Variants in GALNTL6 observed in about 807,000 individuals in gnomAD.
The protein encoded by GALNTL6 is polypeptide N-acetylgalactosaminyltransferase-like 6.
A neutral mutation model predicts 73.7 loss-of-function variants in GALNTL6; 46 were observed. That is an observed-to-expected ratio of 0.62 (90% CI 0.49 to 0.80). The LOEUF is 0.80. GALNTL6 is among the 30% of genes least tolerant of loss of function. GALNTL6 has a pLI of 0.00. For synonymous variants in GALNTL6, 259 were observed against 263.7 expected (o/e 0.98, Z 0.17); for missense variants, 604 against 755.0 (o/e 0.80, Z 2.34).
At chr4:172,647,751 A>G (rs1444847089) in intron 5 of GALNTL6, among the ~76,000 whole-genome samples, 1 of 151,988 alleles carries the variant, frequency 6.6e-6, no homozygotes, top group Non-Finnish European at 1.5e-5. Flanking sequence ...ATCTTCAATC[A>G]TTTCTCCCTA....
chr4:172,567,204 A>T (rs1254397689), intron 5 of GALNTL6, among the ~76,000 whole-genome samples: 3 of 151,976 alleles, frequency 2.0e-5, no homozygotes, highest in Non-Finnish European at 4.4e-5. Flanking sequence ...AGAAGCTCAA[A>T]TATCTTTCTA....
intron 2 of GALNTL6, among the ~76,000 whole-genome samples, chr4:171,950,582 C>T (rs926039547): frequency 7.3e-5 from 11 of 150,946 alleles, no homozygotes; most frequent in South Asian, 2.1e-4. Flanking sequence ...CAGGTTCAAG[C>T]GATTCTCCTG....
At position 172,961,351 on chromosome 4, in the gene GALNTL6, C is replaced by T. The variant is rs182808189; in HGVS notation, c.1371+9093C>T. Among the ~76,000 whole-genome samples, 462 of 128,582 alleles carry T rather than the reference C, an allele frequency of 3.6e-3. 3 individuals carry two copies. The highest frequency in any genetic ancestry group is 0.012 in the African/African-American group (413 of 33,510). The allele number at this position is 128,582 out of a possible 152,430, so 84.4% of individuals were successfully genotyped here. ...GAAGGGGTAGAGAGAGAGAAGGGGT[C>T]GGGGGGTTCTTGCCTCCCAGAAAAG... On this transcript the variant is annotated intron_variant, in intron 10 of 12. Coordinates refer to ENST00000506823, the MANE Select transcript of GALNTL6 (RefSeq NM_001034845.3).
intron 2 of GALNTL6, among the ~76,000 whole-genome samples, chr4:172,101,046 AC>A (rs918171727): frequency 2.0e-5 from 3 of 152,154 alleles, no homozygotes; most frequent in Admixed American, 6.6e-5. Flanking sequence ...TCATTGGAAA[AC>A]GAGGAGTTGG....
intron 10 of GALNTL6, among the ~76,000 whole-genome samples, chr4:172,974,386 C>T (rs1036923899): frequency 3.3e-5 from 5 of 152,138 alleles, no homozygotes; most frequent in African/African-American, 1.2e-4. Context: ...ACCTAGAGTA[C>T]TTTCCTCTTT....
chr4:172,777,150 T>C (rs768532774), intron 5 of GALNTL6, among the ~76,000 whole-genome samples: 8 of 152,194 alleles, frequency 5.3e-5, no homozygotes, highest in Non-Finnish European at 1.0e-4. Flanking sequence ...CATAAATCTA[T>C]ACAACTATAA....
chr4:172,144,837 C>A (rs920676447), intron 2 of GALNTL6, among the ~76,000 whole-genome samples: 5 of 152,140 alleles, frequency 3.3e-5, no homozygotes, highest in Non-Finnish European at 7.3e-5. Context: ...ACCTACTATG[C>A]AAATTACATG....
chr4:172,695,826 A>C (rs1352554359), intron 5 of GALNTL6, among the ~76,000 whole-genome samples: 2 of 151,944 alleles, frequency 1.3e-5, no homozygotes, highest in African/African-American at 4.8e-5. Context: ...GGTGGCGGGC[A>C]CCTGTAGTCC....
intron 3 of GALNTL6, among the ~76,000 whole-genome samples, chr4:172,281,785 A>T (rs1739068879): frequency 6.6e-6 from 1 of 152,142 alleles, no homozygotes; most frequent in Non-Finnish European, 1.5e-5. Flanking sequence ...TCATCTCAAA[A>T]TTCTTAATTT....
At chr4:171,820,842 A>G (rs576109372) in intron 2 of GALNTL6, among the ~76,000 whole-genome samples, 31 of 152,300 alleles carry the variant, frequency 2.0e-4, no homozygotes, top group Non-Finnish European at 3.8e-4. Context: ...TGGTTTCTCA[A>G]TAAGGGCTAA....
At chr4:172,643,082 TA>T (rs1432950580) in intron 5 of GALNTL6, among the ~76,000 whole-genome samples, 1 of 148,452 alleles carries the variant, frequency 6.7e-6, no homozygotes, top group African/African-American at 2.5e-5. Context: ...TTGGTTATTT[TA>T]AATGTTTTTT....
intron 10 of GALNTL6, among the ~76,000 whole-genome samples, chr4:172,966,046 G>A (rs1750310619): frequency 6.6e-6 from 1 of 152,148 alleles, no homozygotes; most frequent in Admixed American, 6.5e-5. Context: ...AAATAAATCA[G>A]TTGGGAGAAT....
chr4:172,360,087 A>C (rs540440670), intron 5 of GALNTL6, among the ~76,000 whole-genome samples: 6 of 152,242 alleles, frequency 3.9e-5, no homozygotes, highest in Non-Finnish European at 8.8e-5. Flanking sequence ...TGACATGGTT[A>C]TCTAATAAAA....
intron 9 of GALNTL6, among the ~76,000 whole-genome samples, chr4:172,942,511 C>G (rs989999749): frequency 6.6e-6 from 1 of 152,024 alleles, no homozygotes; most frequent in Non-Finnish European, 1.5e-5. Flanking sequence ...CATTTTATAC[C>G]TAAGTTGTGA....
At chr4:172,484,279 T>C (rs1041514859) in intron 5 of GALNTL6, among the ~76,000 whole-genome samples, 1 of 152,210 alleles carries the variant, frequency 6.6e-6, no homozygotes, top group African/African-American at 2.4e-5. Flanking sequence ...CAAAAAACAA[T>C]GTGACTAGAT....
At chr4:172,794,420 A>G (rs1328919917) in intron 5 of GALNTL6, among the ~76,000 whole-genome samples, 2 of 152,212 alleles carry the variant, frequency 1.3e-5, no homozygotes, top group African/African-American at 2.4e-5. Flanking sequence ...ATCATTTTCT[A>G]GAGTTCAGTA....
chr4:172,959,109 G>A (rs1749909382), intron 10 of GALNTL6, among the ~76,000 whole-genome samples: 1 of 152,148 alleles, frequency 6.6e-6, no homozygotes, highest in Non-Finnish European at 1.5e-5. Context: ...CTGCGGGATG[G>A]GATATTGGCA....
chr4:171,877,512 A>G (rs1196021512), intron 2 of GALNTL6, among the ~76,000 whole-genome samples: 1 of 152,196 alleles, frequency 6.6e-6, no homozygotes, highest in Non-Finnish European at 1.5e-5. Context: ...CAGTCCCTTC[A>G]TTATACCTGT....
chr4:172,547,508 G>A (rs1239571584), intron 5 of GALNTL6, among the ~76,000 whole-genome samples: 3 of 151,948 alleles, frequency 2.0e-5, no homozygotes, highest in African/African-American at 2.4e-5. Context: ...TTATGAAGTC[G>A]ACCCAAAGCA....
Sources: gnomAD v4.1 joint callset for allele counts (sites outside exome capture counted in the v4.1 genomes callset) on GRCh38, gnomAD v4.1.1 for gene constraint, MANE v1.5 for transcripts, NCBI Gene and HGNC (gene_info 2026-07-23, HGNC 2026-07-21) for gene names.